Variants in TASOR2 observed in about 807,000 individuals in gnomAD.
TASOR2 encodes the protein transcription activation suppressor family member 2.
In TASOR2, 84 loss-of-function variants were observed where a neutral mutation model predicts 199.5. The observed-to-expected ratio is 0.42, with a 90% CI of 0.35 to 0.50. The LOEUF is 0.50. TASOR2 is among the 20% of genes least tolerant of loss of function. The pLI, the probability that TASOR2 is intolerant of heterozygous loss-of-function variation, is 0.02. For synonymous variants in TASOR2, 1,103 were observed against 1,046.6 expected (o/e 1.05, Z -1.04); for missense variants, 2,796 against 2,835.9 (o/e 0.99, Z 0.32).
At chr10:5,744,707 C>G (rs1836931739) in intron 14 of TASOR2, among the ~76,000 whole-genome samples, 1 of 152,094 alleles carries the variant, frequency 6.6e-6, no homozygotes, top group South Asian at 2.1e-4. Flanking sequence ...TTTTTTGAGA[C>G]TGCAGCCTCC....
chr10:5,729,440 C>A (rs1440620594), intron 10 of TASOR2, among the ~76,000 whole-genome samples: 1 of 152,206 alleles, frequency 6.6e-6, no homozygotes, highest in African/African-American at 2.4e-5. Flanking sequence ...GTGGCTCACG[C>A]CTGTAATCCC....
In TASOR2 at chr10:5,758,883, G is replaced by A. The variant is rs1839370618; in HGVS notation, c.6887-4G>A. The A allele has an allele frequency of 2.5e-6, 4 of 1,599,116 alleles. No homozygotes were observed. Among genetic ancestry groups the A allele is most frequent in the Non-Finnish European group, 3.4e-6 (4 of 1,166,524 alleles). On this transcript the variant is annotated splice_polypyrimidine_tract_variant and splice_region_variant and intron_variant, in intron 17 of 20. Transcript: ENST00000328090. Reference sequence around the variant, plus strand: ...CTTCTTTTGCTACATTTATTGTTTTGTAGTTCAACTGAAGGAAATTATCAA... The same window carrying A: ...CTTCTTTTGCTACATTTATTGTTTTATAGTTCAACTGAAGGAAATTATCAA...
Position 5,689,565 on chromosome 10 carries a change from A to G in TASOR2, c.-288+4390A>G, listed in dbSNP as rs746938093. ...CAGTGAGCAGAGATCACGCCACTGC[A>G]CTCCAGCCTGGGCGACAGAGCAAGA... On this transcript the variant is annotated intron_variant, in intron 1 of 20. Transcript: ENST00000328090. This position sits in a 1 kb window ranked among gnomAD's most constrained non-coding sequence, Gnocchi z 4.1. Among the ~76,000 whole-genome samples, 2 of 152,144 alleles carry G rather than the reference A, an allele frequency of 1.3e-5. No homozygotes were observed. The highest frequency in any genetic ancestry group is 2.4e-5 in the African/African-American group (1 of 41,412).
Position 5,706,131 on chromosome 10 carries a change from TTCTC to T in TASOR2, c.-287-6691_-287-6688del, listed in dbSNP as rs1416062888. On this transcript the variant is annotated intron_variant, in intron 1 of 20. Transcript: ENST00000328090. This position sits in a 1 kb window ranked among gnomAD's most constrained non-coding sequence, Gnocchi z 4.8. ...GCAGCATTTATTGCAAAGATATTCT[TTCTC>T]AATGGAATTATACTGGCAATATTGA... 1.3e-5 allele frequency among the ~76,000 whole-genome samples: 2 copies of T among 152,222 alleles called. No homozygotes were observed. Among genetic ancestry groups the T allele is most frequent in the Admixed American group, 6.5e-5 (1 of 15,288 alleles).
rs773273853 is a variant in TASOR2, at chr10:5,742,420, A to G, written c.2651A>G (p.Gln884Arg). The G allele has an allele frequency of 6.2e-7, 1 of 1,614,114 alleles. No individual in the cohort carries two copies. Among genetic ancestry groups the G allele is most frequent in the Non-Finnish European group, 8.5e-7 (1 of 1,180,018 alleles). ...CCTTTCATTAAAACACCACTTACCC[A>G]AGGCTTGGAACTCTGTGTACAAAAT... Residue 884 changes from glutamine (Q) to arginine (R), a missense_variant, in exon 14 of 21, where the codon CAA (glutamine) becomes CGA (arginine). Physicochemically the swap from Gln to Arg is conservative, Grantham distance 43 (BLOSUM62 1). Coordinates refer to ENST00000328090, the Ensembl canonical transcript of TASOR2. The surrounding 1 kb of genome is among the most constrained non-coding windows in gnomAD (Gnocchi z 4.2).
Position 5,762,526 on chromosome 10 carries a change from T to TTTTTTTAAAA in TASOR2, c.7175-6_7175-5insTTTTTTAAAA. The TTTTTTTAAAA allele has an allele frequency of 1.4e-6, 1 of 699,660 alleles. No homozygotes were observed. The highest frequency in any genetic ancestry group is 2.8e-5 in the South Asian group (1 of 35,810). The allele number at this position is 699,660 out of a possible 1,614,324, so 43.3% of individuals were successfully genotyped here. On this transcript the variant is annotated splice_region_variant and splice_polypyrimidine_tract_variant and intron_variant, in intron 19 of 20. Coordinates refer to ENST00000328090, the Ensembl canonical transcript of TASOR2. ...ACCAAAAGTTGTTTTTTTTTTTTTT[T>TTTTTTTAAAA]AACAGACAAGCCTACTATCCCCAGA...
intron 14 of TASOR2, among the ~76,000 whole-genome samples, chr10:5,745,206 C>G (rs1837014707): frequency 1.3e-5 from 2 of 152,200 alleles, no homozygotes; most frequent in African/African-American, 4.8e-5. Context: ...CTGCTTGCTA[C>G]TGTTTAAATC....
chr10:5,730,903 G>A lies in TASOR2; in HGVS notation c.904G>A (p.Val302Ile), dbSNP rs763200916. ...AATTTGTGATGCTGGATTTTCCTTAGTTATGACTCCAGATCCTGAATTTCT... is the reference window on the plus strand; with the variant it reads ...AATTTGTGATGCTGGATTTTCCTTAATTATGACTCCAGATCCTGAATTTCT... The change falls in exon 11 of 21, where the codon GTT becomes ATT. Residue 302 changes from valine to isoleucine, a missense_variant. By Grantham distance (29) the Val-to-Ile change is conservative. Transcript: ENST00000328090. This position sits in a 1 kb window ranked among gnomAD's most constrained non-coding sequence, Gnocchi z 4.1. 1.2e-6 allele frequency: 2 copies of A among 1,614,066 alleles called. No homozygotes were observed. The highest frequency in any genetic ancestry group is 1.1e-5 in the South Asian group (1 of 91,080).
rs1359533650 is a variant in TASOR2 at position 5,751,828 on chromosome 10, C to G, written c.6606+1801C>G. Among the ~76,000 whole-genome samples, 1 of 152,208 alleles carries G rather than the reference C, an allele frequency of 6.6e-6. No homozygotes were observed. The highest frequency in any genetic ancestry group is 1.9e-4 in the East Asian group (1 of 5,202). ...TATGTACATACGTATATCTACATCT[C>G]TATTTATGTATAAAAAGCAAAAACA... On this transcript the variant is annotated intron_variant, in intron 15 of 20. Coordinates refer to ENST00000328090, the Ensembl canonical transcript of TASOR2. The surrounding 1 kb of genome is among the most constrained non-coding windows in gnomAD (Gnocchi z 5.3).
At chr10:5,714,928 TG>T (rs1363866410) in intron 2 of TASOR2, among the ~76,000 whole-genome samples, 7 of 151,276 alleles carry the variant, frequency 4.6e-5, no homozygotes, top group Admixed American at 4.6e-4. Context: ...GTTGTGGGAG[TG>T]GGGTGTGAAT....
chr10:5,755,110 G>A (rs1838738118), intron 15 of TASOR2, among the ~76,000 whole-genome samples: 1 of 150,696 alleles, frequency 6.6e-6, no homozygotes, highest in South Asian at 2.1e-4. Flanking sequence ...GACCACCACA[G>A]GATTTGATGA....
In TASOR2 at chr10:5,763,293, T is replaced by TA. The variant is rs1445275531; in HGVS notation, c.*261_*262insA. The TA allele has an allele frequency of 3.2e-5, 12 of 369,232 alleles. No individual in the cohort carries two copies. In the East Asian group the frequency reaches 5.1e-4, roughly 16 times the overall value. 22.9% of individuals were successfully genotyped at this position (369,232 alleles called of 1,614,324 possible). A position where few individuals can be genotyped will look rare whatever the true frequency, so the allele number is the denominator to read the frequency against. ...TTTAAACAAGATGCCTTCTAAGCTA[T>TA]TGAGCTTATTAAAAATAATTTTACA... On this transcript the variant is annotated 3_prime_UTR_variant, in exon 21 of 21. Coordinates refer to ENST00000328090, the Ensembl canonical transcript of TASOR2.
rs1160483605 is a variant in TASOR2, at chr10:5,706,247, T to C, written c.-287-6576T>C. Among the ~76,000 whole-genome samples, 1 of 152,240 alleles carries C rather than the reference T, an allele frequency of 6.6e-6. No individual in the cohort carries two copies. On this transcript the variant is annotated intron_variant, in intron 1 of 20. Coordinates refer to ENST00000328090, the Ensembl canonical transcript of TASOR2. This position sits in a 1 kb window ranked among gnomAD's most constrained non-coding sequence, Gnocchi z 4.8. ...ACCACCTTGTCTTGACTACTTTAGCTTTGTAGTAATTCTCAAAATCAGGTA... is the reference window on the plus strand; with the variant it reads ...ACCACCTTGTCTTGACTACTTTAGCCTTGTAGTAATTCTCAAAATCAGGTA...
chr10:5,739,382 T>A (rs1202829715), intron 12 of TASOR2, among the ~76,000 whole-genome samples: 1 of 152,238 alleles, frequency 6.6e-6, no homozygotes, highest in African/African-American at 2.4e-5. Flanking sequence ...TAACACATTA[T>A]AATCTGAGGG....
In TASOR2 at chr10:5,702,629, A is replaced by G. The variant is rs901955415; in HGVS notation, c.-287-10194A>G. Among the ~76,000 whole-genome samples, 4 of 140,830 alleles carry G rather than the reference A, an allele frequency of 2.8e-5. No individual in the cohort carries two copies. The Admixed American group carries it at 3.1e-4, about 11-fold the overall frequency. 92.4% of individuals were successfully genotyped at this position (140,830 alleles called of 152,430 possible). On this transcript the variant is annotated intron_variant, in intron 1 of 20. Transcript: ENST00000328090. ...TTATAGCTTTGATCTCATTACTAAA[A>G]TGGTCATTTTTTTTTTTTTTTTTTT... is the stretch of plus-strand genomic sequence containing the variant.
chr10:5,729,103 C>G (rs1249640638), intron 10 of TASOR2, among the ~76,000 whole-genome samples: 1 of 152,194 alleles, frequency 6.6e-6, no homozygotes, highest in Non-Finnish European at 1.5e-5. Context: ...AATCCCAGCA[C>G]TTTGGGAGGC....
chr10:5,720,469 G>T lies in TASOR2; in HGVS notation c.-99-75G>T. ...CTAATGTGTTAAATTTCAGGGCTCG[G>T]TGGGGTTGAGAAAAACTTGGTACAT... On this transcript the variant is annotated intron_variant, in intron 3 of 20. Coordinates refer to ENST00000328090, the Ensembl canonical transcript of TASOR2. This position sits in a 1 kb window ranked among gnomAD's most constrained non-coding sequence, Gnocchi z 5.3. 7.0e-7 allele frequency: 1 copy of T among 1,434,490 alleles called. No individual in the cohort carries two copies. The highest frequency in any genetic ancestry group is 9.1e-7 in the Non-Finnish European group (1 of 1,099,272). The allele number at this position is 1,434,490 out of a possible 1,614,324, so 88.9% of individuals were successfully genotyped here.
intron 1 of TASOR2, among the ~76,000 whole-genome samples, chr10:5,702,773 T>A (rs946245101): frequency 1.6e-4 from 25 of 151,836 alleles, no homozygotes; most frequent in African/African-American, 5.3e-4. Context: ...TAATTTAAGA[T>A]GTTTCTTTTC....
chr10:5,697,911 ATTTTT>A (rs1388105598), intron 1 of TASOR2, among the ~76,000 whole-genome samples: 1 of 152,094 alleles, frequency 6.6e-6, no homozygotes, highest in Admixed American at 6.6e-5. Flanking sequence ...CTTTTATATT[ATTTTT>A]ATTATTGAAG....
Sources: gnomAD v4.1 joint callset for allele counts (sites outside exome capture counted in the v4.1 genomes callset) on GRCh38, gnomAD v4.1.1 for gene constraint, Gnocchi (gnomAD v3.1) non-coding constraint, MANE v1.5 for transcripts, NCBI Gene and HGNC (gene_info 2026-07-23, HGNC 2026-07-21) for gene names.